The following CELF2 variants were observed in gnomAD, a reference collection of about 807,000 sequenced individuals.
The protein encoded by CELF2 is CUGBP Elav-like family member 2.
CELF2 carries 8 observed loss-of-function variants against 62.6 expected under a neutral mutation model. The ratio of observed to expected loss-of-function variants is 0.13; its 90% CI spans 0.07 to 0.23. The LOEUF is 0.23. Ranked by LOEUF, CELF2 falls within the 10% of genes least tolerant of loss-of-function variation. The pLI is 1.00. For synonymous variants in CELF2, 258 were observed against 250.0 expected, an observed-to-expected ratio of 1.03 and a Z score of -0.30; for missense variants, 333 against 671.0, an observed-to-expected ratio of 0.50 and a Z score of 5.56.
intron 1 of CELF2, chr10:11,030,654 C>G (rs2059959297): frequency 6.6e-6 from 1 of 152,278 alleles, no homozygotes; most frequent in African/African-American, 2.4e-5. Flanking sequence ...CTGCAAGTCT[C>G]TTGAGGATTT....
chr10:10,719,296 T>C, the CELF2 span, among the ~76,000 whole-genome samples: 1 of 152,120 alleles, frequency 6.6e-6, no homozygotes, highest in Non-Finnish European at 1.5e-5. Context: ...TCTCACTCTA[T>C]GGCCCAAGCT....
In CELF2 at chr10:11,083,752, T is replaced by C. The variant is rs1451803497; in HGVS notation, c.74+65589T>C. Among the ~76,000 whole-genome samples, 6 of 152,304 alleles carry C rather than the reference T, an allele frequency of 3.9e-5. No individual in the cohort carries two copies. In the East Asian group the frequency reaches 1.2e-3, roughly 29 times the overall value. ...TGGACTCTGGGTTCCACCACTGACT[T>C]GGGCAAGCCAGTGAACCTCTCCATA... On this transcript the variant is annotated intron_variant, in intron 1 of 12. Transcript: ENST00000633077.
the CELF2 span, among the ~76,000 whole-genome samples, chr10:10,789,752 TCCTC>T: frequency 2.0e-5 from 3 of 152,154 alleles, no homozygotes; most frequent in African/African-American, 7.2e-5. Context: ...TTGAATTTCT[TCCTC>T]CATACATTTT....
intron 1 of CELF2, among the ~76,000 whole-genome samples, chr10:11,057,849 A>C (rs992510348): frequency 6.6e-6 from 1 of 152,186 alleles, no homozygotes; most frequent in African/African-American, 2.4e-5. Context: ...TGCATCCAAC[A>C]AGATTCTGAC....
intron 1 of CELF2, among the ~76,000 whole-genome samples, chr10:10,823,955 T>C (rs1044742201): frequency 6.6e-6 from 1 of 152,052 alleles, no homozygotes; most frequent in Non-Finnish European, 1.5e-5. Flanking sequence ...AATGGATAGA[T>C]AGATCTAGCA....
chr10:10,888,856 G>A (rs117062064), intron 1 of CELF2, among the ~76,000 whole-genome samples: 6 of 152,104 alleles, frequency 3.9e-5, no homozygotes, highest in Admixed American at 6.5e-5. Context: ...TAACTGATTC[G>A]TTATTTAAAT....
At chr10:10,644,470 C>T in the CELF2 span, among the ~76,000 whole-genome samples, 1 of 151,722 alleles carries the variant, frequency 6.6e-6, no homozygotes, top group Non-Finnish European at 1.5e-5. Context: ...GTAGTGTCAG[C>T]TTGATTCTTA....
chr10:10,724,655 C>CAAAAAAAAAAAAAAAAAAAAAA, the CELF2 span, among the ~76,000 whole-genome samples: 1 of 81,188 alleles, frequency 1.2e-5, no homozygotes, highest in Non-Finnish European at 2.3e-5. Context: ...GACTCCGTCT[C>CAAAAAAAAAAAAAAAAAAAAAA]AAAAAAAAAA....
rs1354123735 is a variant in CELF2, at chr10:11,285,858, TG to T, written c.842-2559del. Among the ~76,000 whole-genome samples, 186 of 144,400 alleles carry T rather than the reference TG, an allele frequency of 1.3e-3. No homozygotes were observed. The highest frequency in any genetic ancestry group is 2.8e-3 in the Admixed American group (41 of 14,702). The allele number at this position is 144,400 out of a possible 152,430, so 94.7% of individuals were successfully genotyped here. A position where few individuals can be genotyped will look rare whatever the true frequency, so the allele number is the denominator to read the frequency against. On this transcript the variant is annotated intron_variant, in intron 8 of 12. Transcript: ENST00000633077. The surrounding 1 kb of genome is among the most constrained non-coding windows in gnomAD (Gnocchi z 4.3). ...GTGTGTGTGTGTGTGTGTGTGTGTG[TG>T]TGTGTGTGTGTGTGTGTGTTTTTAC...
At chr10:11,166,017 G>A (rs996334845) in intron 2 of CELF2, among the ~76,000 whole-genome samples, 2 of 152,218 alleles carry the variant, frequency 1.3e-5, no homozygotes, top group Admixed American at 1.3e-4. Flanking sequence ...GAGGAATCGC[G>A]TTTCCCAGCC....
chr10:11,322,118 A>G (rs1453041625), intron 11 of CELF2, among the ~76,000 whole-genome samples: 1 of 152,208 alleles, frequency 6.6e-6, no homozygotes, highest in Non-Finnish European at 1.5e-5. Context: ...AAGGGGATGG[A>G]TGGCCACAGG....
the CELF2 span, among the ~76,000 whole-genome samples, chr10:10,697,154 A>G: frequency 1.3e-5 from 2 of 152,140 alleles, no homozygotes; most frequent in East Asian, 3.8e-4. Flanking sequence ...CATAGCAAGC[A>G]TCTGACCTGA....
the CELF2 span, among the ~76,000 whole-genome samples, chr10:10,498,255 A>G: frequency 1.3e-5 from 2 of 152,228 alleles, no homozygotes; most frequent in South Asian, 2.1e-4. Flanking sequence ...CCAGTGCCCT[A>G]TGCAGAGGCA....
intron 1 of CELF2, among the ~76,000 whole-genome samples, chr10:10,868,481 C>T (rs1380309154): frequency 2.0e-5 from 3 of 152,230 alleles, no homozygotes; most frequent in East Asian, 3.8e-4. Flanking sequence ...GGCAAGGTCT[C>T]ATGTCTGCTA....
chr10:10,623,682 G>C, the CELF2 span, among the ~76,000 whole-genome samples: 1 of 152,170 alleles, frequency 6.6e-6, no homozygotes, highest in Non-Finnish European at 1.5e-5. Context: ...AGACAGTGGA[G>C]GGGGAAGACA....
At chr10:10,886,032 T>A (rs2133798654) in intron 1 of CELF2, among the ~76,000 whole-genome samples, 1 of 152,370 alleles carries the variant, frequency 6.6e-6, no homozygotes, top group Admixed American at 6.5e-5. Context: ...AAAGAACTCA[T>A]CTTTCCCACG....
the CELF2 span, among the ~76,000 whole-genome samples, chr10:10,694,563 T>C: frequency 6.6e-6 from 1 of 152,134 alleles, no homozygotes; most frequent in Admixed American, 6.5e-5. Flanking sequence ...TTCCTGGGTA[T>C]CCTTGCTGAC....
chr10:11,224,055 G>A lies in CELF2; in HGVS notation c.354+6548G>A, dbSNP rs995016162. On this transcript the variant is annotated intron_variant, in intron 3 of 12. Coordinates refer to ENST00000633077, the MANE Select transcript of CELF2 (RefSeq NM_001326342.2). This position sits in a 1 kb window ranked among gnomAD's most constrained non-coding sequence, Gnocchi z 4.5. ...AAAAACTAGTTATTTTTAAAGCATGGCCTACTCGGTATAAGGAATTGTACG... is the reference window on the plus strand; with the variant it reads ...AAAAACTAGTTATTTTTAAAGCATGACCTACTCGGTATAAGGAATTGTACG... 6.6e-6 allele frequency among the ~76,000 whole-genome samples: 1 copy of A among 152,158 alleles called. No homozygotes were observed. The highest frequency in any genetic ancestry group is 1.5e-5 in the Non-Finnish European group (1 of 68,036).
At chr10:10,853,358 T>A (rs919029318) in intron 1 of CELF2, among the ~76,000 whole-genome samples, 6 of 151,964 alleles carry the variant, frequency 3.9e-5, no homozygotes, top group Non-Finnish European at 5.9e-5. Flanking sequence ...CAGGCTCCTA[T>A]AAGAAAAAGA....
Sources: gnomAD v4.1 joint callset for allele counts (sites outside exome capture counted in the v4.1 genomes callset) on GRCh38, gnomAD v4.1.1 for gene constraint, Gnocchi (gnomAD v3.1) non-coding constraint, MANE v1.5 for transcripts, NCBI Gene and HGNC (gene_info 2026-07-23, HGNC 2026-07-21) for gene names.